Variants in CNTNAP2 observed in about 807,000 individuals in gnomAD.
CNTNAP2 encodes contactin-associated protein-like 2.
CNTNAP2 carries 98 observed loss-of-function variants against 155.2 expected under a neutral mutation model. The observed-to-expected ratio is 0.63, with a 90% CI of 0.54 to 0.75. The LOEUF is 0.75. Among genes scored for constraint, CNTNAP2 ranks in the 30% least tolerant of loss-of-function variants. The pLI, the probability that CNTNAP2 is intolerant of heterozygous loss-of-function variation, is 0.00. For synonymous variants in CNTNAP2, 651 were observed against 631.2 expected, an observed-to-expected ratio of 1.03 and a Z score of -0.47; for missense variants, 1,727 against 1,688.1, an observed-to-expected ratio of 1.02 and a Z score of -0.40.
intron 9 of CNTNAP2, among the ~76,000 whole-genome samples, chr7:147,353,338 C>G (rs1349554793): frequency 6.6e-6 from 1 of 151,882 alleles, no homozygotes; most frequent in Non-Finnish European, 1.5e-5. Context: ...TGATGTTCCC[C>G]TCCCTGTGTC....
chr7:146,354,411 A>ATTTTTTTTTT (rs10641636), intron 1 of CNTNAP2, among the ~76,000 whole-genome samples: 4 of 135,346 alleles, frequency 3.0e-5, no homozygotes, highest in Non-Finnish European at 4.7e-5. Flanking sequence ...TCTTGTTAGT[A>ATTTTTTTTTT]TTTTTTTTTT....
chr7:147,457,064 T>A (rs1470762969), intron 10 of CNTNAP2, among the ~76,000 whole-genome samples: 1 of 152,204 alleles, frequency 6.6e-6, no homozygotes, highest in African/African-American at 2.4e-5. Context: ...CAAAACTAAC[T>A]GGACCAGTAC....
At chr7:146,720,178 A>C (rs1801260826) in intron 1 of CNTNAP2, among the ~76,000 whole-genome samples, 1 of 152,052 alleles carries the variant, frequency 6.6e-6, no homozygotes, top group South Asian at 2.1e-4. Context: ...TTAGTTGTCC[A>C]CAAAGGACTA....
chr7:148,200,407 CTT>C (rs77795969), intron 18 of CNTNAP2, among the ~76,000 whole-genome samples: 5 of 145,186 alleles, frequency 3.4e-5, no homozygotes, highest in Admixed American at 6.9e-5. Flanking sequence ...CTTTCTCTCT[CTT>C]TTTTTTTTTT....
chr7:146,451,328 CAG>C (rs1170886187), intron 1 of CNTNAP2, among the ~76,000 whole-genome samples: 1 of 152,140 alleles, frequency 6.6e-6, no homozygotes, highest in African/African-American at 2.4e-5. Context: ...TGCCCAATAA[CAG>C]AGATTTTAAG....
chr7:147,396,055 TATATC>T (rs1267858488), intron 10 of CNTNAP2, among the ~76,000 whole-genome samples: 10 of 148,066 alleles, frequency 6.8e-5, no homozygotes, highest in Non-Finnish European at 1.0e-4. Flanking sequence ...CTATATGAGA[TATATC>T]ATATATAACA....
intron 11 of CNTNAP2, among the ~76,000 whole-genome samples, chr7:147,490,129 T>C (rs1158794705): frequency 6.6e-6 from 1 of 152,184 alleles, no homozygotes; most frequent in African/African-American, 2.4e-5. Flanking sequence ...TGCAGATCTT[T>C]TTATTAAAGG....
intron 15 of CNTNAP2, among the ~76,000 whole-genome samples, chr7:148,088,827 T>C (rs1803786387): frequency 6.6e-6 from 1 of 151,882 alleles, no homozygotes; most frequent in African/African-American, 2.4e-5. Context: ...AGCATTACCC[T>C]GATAACAAAG....
At chr7:147,826,912 C>T (rs1798460569) in intron 13 of CNTNAP2, among the ~76,000 whole-genome samples, 1 of 149,340 alleles carries the variant, frequency 6.7e-6, no homozygotes, top group Non-Finnish European at 1.5e-5. Flanking sequence ...TCCCCCTTTA[C>T]ATAAAAGCTG....
At chr7:146,180,152 C>A (rs1798529374) in intron 1 of CNTNAP2, among the ~76,000 whole-genome samples, 1 of 152,100 alleles carries the variant, frequency 6.6e-6, no homozygotes, top group Admixed American at 6.6e-5. Context: ...TAGCTTTTTT[C>A]ACTTTAATAA....
chr7:147,476,245 A>G (rs879835068), intron 10 of CNTNAP2, among the ~76,000 whole-genome samples: 1 of 151,930 alleles, frequency 6.6e-6, no homozygotes. Flanking sequence ...AGCTGGGACT[A>G]CAGGCGCCCG....
At chr7:147,970,295 T>G (rs757483002) in intron 14 of CNTNAP2, among the ~76,000 whole-genome samples, 2 of 152,220 alleles carry the variant, frequency 1.3e-5, no homozygotes, top group African/African-American at 2.4e-5. Flanking sequence ...TCAAAAATCT[T>G]TAGTGTAAGC....
At chr7:147,089,397 G>A (rs891172067) in intron 4 of CNTNAP2, among the ~76,000 whole-genome samples, 4 of 152,078 alleles carry the variant, frequency 2.6e-5, no homozygotes, top group East Asian at 3.9e-4. Context: ...CATCCACTGC[G>A]ACTCACACAG....
At chr7:147,125,675 C>G (rs765381827) in intron 6 of CNTNAP2, among the ~76,000 whole-genome samples, 19 of 152,192 alleles carry the variant, frequency 1.2e-4, no homozygotes, top group Non-Finnish European at 2.2e-4. Context: ...AAATCAGTCA[C>G]AGGAGGAGAA....
Position 146,451,855 on chromosome 7 carries a change from C to CTATA in CNTNAP2, c.98-322405_98-322402dup, listed in dbSNP as rs1256111124. On this transcript the variant is annotated intron_variant, in intron 1 of 23. Transcript: ENST00000361727. ...ATATACATATATATATACACGTATT[C>CTATA]TATATATATATATACGTATATATAC... Among the ~76,000 whole-genome samples, 51 of 131,460 alleles carry CTATA rather than the reference C, an allele frequency of 3.9e-4. 2 individuals carry two copies. Among genetic ancestry groups the CTATA allele is most frequent in the African/African-American group, 1.5e-3 (49 of 33,006 alleles). The allele number at this position is 131,460 out of a possible 152,430, so 86.2% of individuals were successfully genotyped here. A position where few individuals can be genotyped will look rare whatever the true frequency, so the allele number is the denominator to read the frequency against.
chr7:146,828,189 A>T (rs1803443623), intron 2 of CNTNAP2, among the ~76,000 whole-genome samples: 1 of 152,100 alleles, frequency 6.6e-6, no homozygotes. Context: ...GTAAATAAGG[A>T]AATGACCAGA....
At chr7:146,321,569 G>A (rs1443019055) in intron 1 of CNTNAP2, among the ~76,000 whole-genome samples, 1 of 152,152 alleles carries the variant, frequency 6.6e-6, no homozygotes, top group Non-Finnish European at 1.5e-5. Flanking sequence ...TGAGAATATG[G>A]CAAATAACAG....
rs997854061 is a variant in CNTNAP2 at position 148,416,142 on chromosome 7, G to A, written c.*526G>A. 3 of 157,418 alleles carry A rather than the reference G, an allele frequency of 1.9e-5. No homozygotes were observed. Among genetic ancestry groups the A allele is most frequent in the African/African-American group, 7.2e-5 (3 of 41,406 alleles). 9.8% of individuals were successfully genotyped at this position (157,418 alleles called of 1,614,324 possible). A position where few individuals can be genotyped will look rare whatever the true frequency, so the allele number is the denominator to read the frequency against. The stretch of plus-strand genomic sequence containing the variant: ...TGTCCTATAAGTCGGAAAAGAAAGG[G>A]GCAAAGAGAACCTATTATTTGCCAG... On this transcript the variant is annotated 3_prime_UTR_variant, in exon 24 of 24. Transcript: ENST00000361727.
rs778480799 is a variant in CNTNAP2, at chr7:148,419,209, C to G, written c.*3593C>G. 1 of 152,078 alleles carries G rather than the reference C, an allele frequency of 6.6e-6. No individual in the cohort carries two copies. The highest frequency in any genetic ancestry group is 2.4e-5 in the African/African-American group (1 of 41,384). 9.4% of individuals were successfully genotyped at this position (152,078 alleles called of 1,614,324 possible). On this transcript the variant is annotated 3_prime_UTR_variant, in exon 24 of 24. Transcript: ENST00000361727. The stretch of plus-strand genomic sequence containing the variant: ...CTCCAAACAACACTGAATTTGAAAC[C>G]CCCCATTTTTTCTTTTCACCACCCT...
Sources: allele counts gnomAD v4.1 joint callset (sites outside exome capture counted in the v4.1 genomes callset), GRCh38; gene constraint gnomAD v4.1.1; transcripts MANE v1.5; gene names NCBI Gene and HGNC (gene_info 2026-07-23, HGNC 2026-07-21).